Variants in PDE9A observed in about 807,000 individuals in gnomAD.
PDE9A encodes high affinity cGMP-specific 3',5'-cyclic phosphodiesterase 9A.
Under a neutral mutation model 87.4 loss-of-function variants are expected in PDE9A, and 60 were observed. That is an observed-to-expected ratio of 0.69 (90% confidence interval 0.56 to 0.85). The LOEUF (loss-of-function observed/expected upper bound fraction) is 0.85, where lower values mean the gene tolerates loss of function less well. Among genes scored for constraint, PDE9A ranks in the 40% least tolerant of loss-of-function variants. The pLI is 0.00. For missense variants in PDE9A, 665 were observed against 779.0 expected, an observed-to-expected ratio of 0.85 and a Z score of 1.74; for synonymous variants, 272 against 279.4, an observed-to-expected ratio of 0.97 and a Z score of 0.27.
At chr21:42,685,716 C>T (rs1265915345) in intron 1 of PDE9A, among the ~76,000 whole-genome samples, 1 of 152,024 alleles carries the variant, frequency 6.6e-6, no homozygotes. Context: ...GATCCACCCG[C>T]CTCTGCCTCC....
chr21:42,721,610 G>C (rs1327913341), intron 4 of PDE9A, among the ~76,000 whole-genome samples: 1 of 152,222 alleles, frequency 6.6e-6, no homozygotes, highest in African/African-American at 2.4e-5. Context: ...TGAATTGCCA[G>C]TGACTGTACC....
chr21:42,688,480 C>T (rs1046862985), intron 3 of PDE9A, among the ~76,000 whole-genome samples: 10 of 152,288 alleles, frequency 6.6e-5, no homozygotes, highest in Middle Eastern at 3.4e-3. Flanking sequence ...GAGGAGAGGC[C>T]GGTGAAAGCC....
chr21:42,677,030 C>G (rs912376473), intron 1 of PDE9A, among the ~76,000 whole-genome samples: 1 of 152,182 alleles, frequency 6.6e-6, no homozygotes, highest in African/African-American at 2.4e-5. Context: ...GAGCAGAGCC[C>G]GCTCTTCCCT....
intron 1 of PDE9A, among the ~76,000 whole-genome samples, chr21:42,670,805 A>C (rs2058520426): frequency 6.6e-6 from 1 of 152,106 alleles, no homozygotes; most frequent in Non-Finnish European, 1.5e-5. Context: ...ATTCACTCAC[A>C]CATACATTCA....
chr21:42,685,467 C>CTTTTTT (rs765252066), intron 1 of PDE9A, among the ~76,000 whole-genome samples: 3 of 115,944 alleles, frequency 2.6e-5, no homozygotes, highest in African/African-American at 1.1e-4. Flanking sequence ...GAAAGGCAGT[C>CTTTTTT]TTTTTTTTTT....
chr21:42,693,423 C>G (rs571521325), intron 3 of PDE9A, among the ~76,000 whole-genome samples: 2 of 151,712 alleles, frequency 1.3e-5, no homozygotes, highest in South Asian at 2.1e-4. Flanking sequence ...CTCAGCCTCC[C>G]GAGTAGCTGG....
chr21:42,728,118 C>A (rs112258645), intron 4 of PDE9A, among the ~76,000 whole-genome samples: 10 of 152,290 alleles, frequency 6.6e-5, no homozygotes, highest in African/African-American at 2.4e-4. Context: ...TACAGTATAG[C>A]AACTCTTTAC....
rs1320300215 is a variant in PDE9A, at chr21:42,692,856, CG to C, written c.218+4863del. 6.6e-6 allele frequency among the ~76,000 whole-genome samples: 1 copy of C among 152,200 alleles called. No homozygotes were observed. Among genetic ancestry groups the C allele is most frequent in the Non-Finnish European group, 1.5e-5 (1 of 68,018 alleles). ...TCAGAGATGTGCTTCGGGGCCCGCA[CG>C]CCTTGCTCCTCGCACTCTTCCTGCA... On this transcript the variant is annotated intron_variant, in intron 3 of 19. Coordinates refer to ENST00000291539, the MANE Select transcript of PDE9A (RefSeq NM_002606.3). This position sits in a 1 kb window ranked among gnomAD's most constrained non-coding sequence, Gnocchi z 4.3.
chr21:42,758,977 T>TATCCTTCTCCTGTGCCC (rs2055376539), intron 10 of PDE9A, 22 bp from the exon 11 acceptor site: 2 of 1,596,712 alleles, frequency 1.3e-6, no homozygotes, highest in Non-Finnish European at 1.7e-6. Context: ...GCCCAGTGCC[T>TATCCTTCTCCTGTGCCC]ATCCTTCTCC....
At chr21:42,654,975 C>T (rs1348838814) in intron 1 of PDE9A, among the ~76,000 whole-genome samples, 1 of 152,128 alleles carries the variant, frequency 6.6e-6, no homozygotes, top group East Asian at 1.9e-4. Context: ...GCGGCAGACG[C>T]ACAACTAGAC....
intron 18 of PDE9A, among the ~76,000 whole-genome samples, chr21:42,772,071 T>C (rs1489674205): frequency 6.6e-6 from 1 of 151,208 alleles, no homozygotes; most frequent in East Asian, 1.9e-4. Flanking sequence ...TAGGGGATAG[T>C]AGGGTTCCTT....
intron 1 of PDE9A, among the ~76,000 whole-genome samples, chr21:42,657,552 T>C (rs1013023443): frequency 6.6e-6 from 1 of 152,138 alleles, no homozygotes; most frequent in Non-Finnish European, 1.5e-5. Context: ...CTCTTGCCTA[T>C]GGAGAAAGGG....
chr21:42,686,802 G>A (rs528774435), intron 2 of PDE9A, among the ~76,000 whole-genome samples: 1 of 152,240 alleles, frequency 6.6e-6, no homozygotes, highest in South Asian at 2.1e-4. Context: ...GCAACAGAGC[G>A]AGACTCCGCC....
Position 42,762,125 on chromosome 21 carries a change from T to C in PDE9A, c.1128T>C (p.Asn376=), listed in dbSNP as rs1237118823. 1.2e-6 allele frequency: 2 copies of C among 1,614,002 alleles called. No individual in the cohort carries two copies. The highest frequency in any genetic ancestry group is 1.7e-6 in the Non-Finnish European group (2 of 1,180,006). Residue 376 remains asparagine, a synonymous_variant, in exon 14 of 20, where the codon AAT becomes AAC. Coordinates refer to ENST00000291539, the MANE Select transcript of PDE9A (RefSeq NM_002606.3). ...NARTELAVRY[N]DISPLENHHC... is the part of the protein sequence containing the mutation. ...GCACAGAGCTGGCGGTCCGCTACAA[T>C]GACATCTCACCGCTGGAGAACCACC...
chr21:42,743,475 A>T (rs751952941), intron 7 of PDE9A, among the ~76,000 whole-genome samples: 12 of 152,214 alleles, frequency 7.9e-5, no homozygotes, highest in Non-Finnish European at 1.3e-4. Flanking sequence ...TGGGTGCCAG[A>T]GTTGAGATTC....
At chr21:42,720,446 A>T (rs1172982464) in intron 4 of PDE9A, among the ~76,000 whole-genome samples, 2 of 152,056 alleles carry the variant, frequency 1.3e-5, no homozygotes. Context: ...GTGAGCCGAG[A>T]TCATGCCATT....
At chr21:42,726,856 G>T (rs2051171314) in intron 4 of PDE9A, among the ~76,000 whole-genome samples, 1 of 150,366 alleles carries the variant, frequency 6.7e-6, no homozygotes, top group Non-Finnish European at 1.5e-5. Flanking sequence ...AATCAGTTGG[G>T]CGTATTTGTA....
chr21:42,681,382 G>A (rs190354037), intron 1 of PDE9A, among the ~76,000 whole-genome samples: 11 of 152,328 alleles, frequency 7.2e-5, no homozygotes, highest in South Asian at 2.1e-4. Flanking sequence ...TGTGCGGTCC[G>A]CAGCCGATGG....
intron 3 of PDE9A, 21 bp from the exon 4 acceptor site, chr21:42,698,947 G>T (rs775207125): frequency 1.2e-6 from 2 of 1,603,228 alleles, no homozygotes; most frequent in East Asian, 4.5e-5. Context: ...TCTCACAGCG[G>T]CACTGTCTTC....
Sources: gnomAD v4.1 joint callset for allele counts (sites outside exome capture counted in the v4.1 genomes callset) on GRCh38, gnomAD v4.1.1 for gene constraint, Gnocchi (gnomAD v3.1) non-coding constraint, MANE v1.5 for transcripts, NCBI Gene and HGNC (gene_info 2026-07-23, HGNC 2026-07-21) for gene names.